The following PTPN22 variants were observed in gnomAD, a reference collection of about 807,000 sequenced individuals.
The protein encoded by PTPN22 is protein tyrosine phosphatase non-receptor type 22.
In PTPN22, 85 loss-of-function variants were observed where a neutral mutation model predicts 103.3. That is an observed-to-expected ratio of 0.82 (90% CI 0.69 to 0.99). The LOEUF is 0.99. Among genes scored for constraint, PTPN22 ranks in the 50% least tolerant of loss-of-function variants. The probability of loss-of-function intolerance (pLI) is 0.00; values close to 1 mark genes in which losing one functional copy is unlikely to be tolerated. For missense variants in PTPN22, 865 were observed against 936.9 expected (o/e 0.92, Z 1.00); for synonymous variants, 323 against 310.2 (o/e 1.04, Z -0.43).
intron 11 of PTPN22, among the ~76,000 whole-genome samples, chr1:113,838,915 A>G (rs541401319): frequency 6.6e-6 from 1 of 152,266 alleles, no homozygotes; most frequent in Non-Finnish European, 1.5e-5. Context: ...TTTAGTCTCA[A>G]AAACACTCTG....
chr1:113,852,059 G>T (rs72650670), exon 10 of PTPN22: 16 of 1,611,004 alleles, frequency 9.9e-6, no homozygotes, highest in East Asian at 2.2e-5. Context: ...CTCTGTGTCC[G>T]CATTTCCCGG....
intron 15 of PTPN22, among the ~76,000 whole-genome samples, chr1:113,833,606 A>G (rs1662737029): frequency 6.6e-6 from 1 of 152,226 alleles, no homozygotes; most frequent in Admixed American, 6.5e-5. Context: ...GTACTTTAAA[A>G]TGTTTAATTA....
chr1:113,820,952 T>C (rs1661542214), intron 19 of PTPN22, among the ~76,000 whole-genome samples: 1 of 151,082 alleles, frequency 6.6e-6, no homozygotes, highest in African/African-American at 2.4e-5. Context: ...TATTTTGTAC[T>C]TACTATATTA....
chr1:113,859,040 C>T lies in PTPN22; in HGVS notation c.235G>A (p.Asp79Asn), dbSNP rs144833744. Residue 79 changes from aspartate to asparagine, a missense_variant, in exon 3 of 21, where the codon GAT (aspartate) becomes AAT (asparagine). By Grantham distance (23) the Asp-to-Asn change is conservative. Around this residue, in one of 3 missense-constraint regions of PTPN22, gnomAD observed 457 missense variants for 529.1 expected, o/e 0.86. Coordinates refer to ENST00000359785, the Ensembl canonical transcript of PTPN22. The stretch of plus-strand genomic sequence containing the variant: ...GCATTGATGTAGCTGGAATCCTCAT[C>T]AGAGGTTATCAGGGATAGTTCTACC... The T allele has an allele frequency of 3.2e-5, 51 of 1,613,826 alleles. No individual in the cohort carries two copies. In the African/African-American group the frequency reaches 6.3e-4, roughly 20 times the overall value.
At chr1:113,868,375 A>T (rs1235719563) in intron 1 of PTPN22, among the ~76,000 whole-genome samples, 1 of 152,342 alleles carries the variant, frequency 6.6e-6, no homozygotes, top group East Asian at 1.9e-4. Context: ...CCTCGGAAAC[A>T]TAAAATCCTG....
intron 1 of PTPN22, among the ~76,000 whole-genome samples, chr1:113,870,321 C>T (rs1300600280): frequency 6.6e-6 from 1 of 152,160 alleles, no homozygotes; most frequent in Non-Finnish European, 1.5e-5. Flanking sequence ...GATTTAATTT[C>T]AGGTTTGTAC....
intron 10 of PTPN22, among the ~76,000 whole-genome samples, 184 bp from the exon 11 acceptor site, chr1:113,848,810 A>G (rs935908972): frequency 2.6e-5 from 4 of 152,180 alleles, no homozygotes; most frequent in Non-Finnish European, 5.9e-5. Flanking sequence ...TCAGATTTCA[A>G]AGCACTTTTA....
intron 13 of PTPN22, among the ~76,000 whole-genome samples, chr1:113,836,795 G>A (rs1028732953): frequency 5.3e-5 from 8 of 151,790 alleles, no homozygotes; most frequent in East Asian, 1.9e-4. Flanking sequence ...GCATGGTGGC[G>A]TGTCCCTGTG....
chr1:113,864,352 G>A (rs574835912), intron 1 of PTPN22: 70 of 371,436 alleles, frequency 1.9e-4, no homozygotes, highest in Non-Finnish European at 3.2e-4. Context: ...ATCAAGCCAC[G>A]GCACTCCAGC....
rs556944168 is a variant in PTPN22 at position 113,838,551 on chromosome 1, G to T, written c.985C>A (p.Pro329Thr). 7.8e-5 allele frequency: 125 copies of T among 1,612,270 alleles called. No homozygotes were observed. The South Asian group carries it at 1.3e-3, about 17-fold the overall frequency. ...ATATAAAATTGTACTCACCTTTTTG[G>T]TAAATTAGGAGAATAAGAGTCTGCT... Residue 329 changes from proline to threonine, a missense_variant, in exon 12 of 21, where the codon CCA becomes ACA. Pro to Thr is a conservative substitution (Grantham distance 38, BLOSUM62 -1). This residue lies in a region of PTPN22 where 457 missense variants were observed against 529.1 expected (regional missense o/e 0.86). Coordinates refer to ENST00000359785, the Ensembl canonical transcript of PTPN22.
At chr1:113,854,763 C>T in intron 8 of PTPN22, 144 bp downstream of exon 8, 1 of 1,163,046 alleles carries the variant, frequency 8.6e-7, no homozygotes, top group Non-Finnish European at 1.2e-6. Flanking sequence ...AGTAACTTAT[C>T]AGAAAAACAT....
intron 18 of PTPN22, 123 bp downstream of exon 18, chr1:113,829,469 A>T: frequency 1.8e-6 from 1 of 541,282 alleles, no homozygotes; most frequent in Non-Finnish European, 3.2e-6. Context: ...TGACTGTTAT[A>T]ATATCAACAA....
intron 20 of PTPN22, among the ~76,000 whole-genome samples, chr1:113,815,781 C>T (rs1442884675): frequency 3.9e-5 from 6 of 152,154 alleles, no homozygotes; most frequent in African/African-American, 9.7e-5. Flanking sequence ...CGGGTTCAAG[C>T]GATTCTCCTG....
chr1:113,845,921 C>T (rs1281457945), intron 11 of PTPN22, among the ~76,000 whole-genome samples: 1 of 152,166 alleles, frequency 6.6e-6, no homozygotes, highest in Non-Finnish European at 1.5e-5. Context: ...TCTACTTTAT[C>T]TGATATTAAC....
At chr1:113,842,876 C>A (rs1235452623) in intron 11 of PTPN22, among the ~76,000 whole-genome samples, 1 of 150,786 alleles carries the variant, frequency 6.6e-6, no homozygotes, top group East Asian at 1.9e-4. Context: ...CCGAGGCGGG[C>A]GGATCACGAG....
chr1:113,860,128 C>A (rs1665437876), intron 1 of PTPN22, among the ~76,000 whole-genome samples: 1 of 151,942 alleles, frequency 6.6e-6, no homozygotes, highest in Admixed American at 6.6e-5. Flanking sequence ...GGACCACAGG[C>A]ACAAGCATCA....
intron 18 of PTPN22, among the ~76,000 whole-genome samples, chr1:113,828,775 G>A (rs1308134984): frequency 6.6e-6 from 1 of 152,054 alleles, no homozygotes; most frequent in Non-Finnish European, 1.5e-5. Flanking sequence ...AGCTGGGACT[G>A]CAGGCACACA....
intron 13 of PTPN22, among the ~76,000 whole-genome samples, chr1:113,836,706 T>C (rs1169458040): frequency 6.6e-6 from 1 of 151,840 alleles, no homozygotes; most frequent in East Asian, 1.9e-4. Flanking sequence ...GGTGGGAGGA[T>C]TGCTTGAGGC....
chr1:113,864,653 C>A (rs192203532), intron 1 of PTPN22, among the ~76,000 whole-genome samples: 2 of 149,618 alleles, frequency 1.3e-5, no homozygotes, highest in Non-Finnish European at 3.0e-5. Context: ...TGGTGGCTCA[C>A]GCCTATAATC....
Sources: allele counts gnomAD v4.1 joint callset (sites outside exome capture counted in the v4.1 genomes callset), GRCh38; gene constraint gnomAD v4.1.1; regional missense constraint gnomAD v4.1.1; transcripts MANE v1.5; gene names NCBI Gene and HGNC (gene_info 2026-07-23, HGNC 2026-07-21).